Variants in ADAMTS20 observed in about 807,000 individuals in gnomAD.
ADAMTS20 encodes the protein A disintegrin and metalloproteinase with thrombospondin motifs 20.
In ADAMTS20, 225 loss-of-function variants were observed where a neutral mutation model predicts 260.1. That is an observed-to-expected ratio of 0.87 (90% CI 0.78 to 0.97). The LOEUF (loss-of-function observed/expected upper bound fraction) is 0.97, where lower values mean the gene tolerates loss of function less well. Ranked by LOEUF, ADAMTS20 falls within the 50% of genes least tolerant of loss-of-function variation. The pLI, the probability that ADAMTS20 is intolerant of heterozygous loss-of-function variation, is 0.00. For missense variants in ADAMTS20, 2,400 were observed against 2,337.7 expected (o/e 1.03, Z -0.55); for synonymous variants, 802 against 769.5 (o/e 1.04, Z -0.70).
At chr12:43,459,576 G>T (rs1254214087) in intron 11 of ADAMTS20, among the ~76,000 whole-genome samples, 1 of 152,186 alleles carries the variant, frequency 6.6e-6, no homozygotes, top group African/African-American at 2.4e-5. Context: ...TGGTAATATT[G>T]TCTGTTTTGT....
At chr12:43,408,508 G>C (rs1054441212) in intron 28 of ADAMTS20, among the ~76,000 whole-genome samples, 1 of 152,086 alleles carries the variant, frequency 6.6e-6, no homozygotes, top group Non-Finnish European at 1.5e-5. Flanking sequence ...CAGCCATAAA[G>C]CCAAGAACTA....
Position 43,376,588 on chromosome 12 carries a change from C to G in ADAMTS20, c.5061G>C (p.Leu1687Phe). Residue 1687 changes from leucine (L) to phenylalanine (F), a missense_variant, in exon 33 of 39, where the codon TTG (leucine) becomes TTC (phenylalanine). Coordinates refer to ENST00000389420, the MANE Select transcript of ADAMTS20 (RefSeq NM_025003.5). ...RQVKCITKHG[L>F]SSDLCLNHLK... Reference sequence around the variant, plus strand: ...AATGGTTTAAACATAAGTCACTGGACAAACCATGTTTGGTAATGCATTTCA... The same window carrying G: ...AATGGTTTAAACATAAGTCACTGGAGAAACCATGTTTGGTAATGCATTTCA... 6.2e-7 allele frequency: 1 copy of G among 1,613,694 alleles called. No individual in the cohort carries two copies. The highest frequency in any genetic ancestry group is 8.5e-7 in the Non-Finnish European group (1 of 1,179,734).
chr12:43,358,579 C>T (rs1297164994), intron 37 of ADAMTS20, among the ~76,000 whole-genome samples: 1 of 151,938 alleles, frequency 6.6e-6, no homozygotes, highest in South Asian at 2.1e-4. Flanking sequence ...TGGCTCACGC[C>T]TGTAATCCCA....
chr12:43,482,343 G>C (rs957661168), intron 7 of ADAMTS20, among the ~76,000 whole-genome samples: 1 of 152,224 alleles, frequency 6.6e-6, no homozygotes, highest in Admixed American at 6.5e-5. Context: ...AGACAGGAAA[G>C]GGTGTGGCGT....
intron 3 of ADAMTS20, among the ~76,000 whole-genome samples, chr12:43,522,356 G>T (rs1024265707): frequency 6.6e-5 from 10 of 152,202 alleles, no homozygotes; most frequent in Admixed American, 4.6e-4. Context: ...GACACATAGG[G>T]ATTATGGGGA....
At chr12:43,356,002 A>C (rs1271932455) in intron 38 of ADAMTS20, among the ~76,000 whole-genome samples, 1 of 152,162 alleles carries the variant, frequency 6.6e-6, no homozygotes, top group Admixed American at 6.5e-5. Context: ...TCTTGAAAAA[A>C]CTGTGAAGAA....
chr12:43,472,121 C>T (rs1418462971), intron 7 of ADAMTS20, among the ~76,000 whole-genome samples: 1 of 146,268 alleles, frequency 6.8e-6, no homozygotes, highest in Non-Finnish European at 1.5e-5. Flanking sequence ...CTAGAATAAC[C>T]AATACAGAGA....
In ADAMTS20 at chr12:43,429,664, C is replaced by G; in HGVS notation, c.3442G>C (p.Val1148Leu). 10 of 1,600,692 alleles carry G rather than the reference C, an allele frequency of 6.2e-6. No individual in the cohort carries two copies. Among genetic ancestry groups the G allele is most frequent in the Non-Finnish European group, 8.5e-6 (10 of 1,172,642 alleles). ...CATTGTGCCATCTTTTTTATGAGAA[C>G]AGTTGGTAATAAAGCGGTCTCAAGT... ...SKLETALLPTVLIKKMAQWRH... is the reference protein window; with the variant it reads ...SKLETALLPTLLIKKMAQWRH... Residue 1148 changes from valine to leucine, a missense_variant, in exon 24 of 39, where the codon GTT (valine) becomes CTT (leucine). Physicochemically the swap from Val to Leu is conservative, Grantham distance 32 (BLOSUM62 1). Transcript: ENST00000389420.
chr12:43,428,831 T>C (rs1303116084), intron 24 of ADAMTS20, 32 bp from the exon 25 acceptor site: 3 of 1,567,946 alleles, frequency 1.9e-6, no homozygotes, highest in East Asian at 2.3e-5. Context: ...ATCCGGGCAT[T>C]ATACAGTAGT....
At chr12:43,417,534 A>G (rs1941154199) in intron 28 of ADAMTS20, among the ~76,000 whole-genome samples, 1 of 152,186 alleles carries the variant, frequency 6.6e-6, no homozygotes, top group African/African-American at 2.4e-5. Flanking sequence ...GATTACAACC[A>G]GGAAGCGGTC....
At chr12:43,373,666 ATCTC>A (rs1940154074) in intron 36 of ADAMTS20, among the ~76,000 whole-genome samples, 1 of 136,508 alleles carries the variant, frequency 7.3e-6, no homozygotes, top group East Asian at 2.2e-4. Context: ...TAGAAATATC[ATCTC>A]TTTTTTTTTT....
intron 28 of ADAMTS20, among the ~76,000 whole-genome samples, chr12:43,410,485 A>G (rs1165481707): frequency 6.6e-6 from 1 of 152,228 alleles, no homozygotes; most frequent in Non-Finnish European, 1.5e-5. Flanking sequence ...GCAACATTTC[A>G]AAGTACAGTA....
At chr12:43,492,727 T>G in intron 5 of ADAMTS20, 98 bp from the exon 6 acceptor site, 1 of 1,381,930 alleles carries the variant, frequency 7.2e-7, no homozygotes, top group Non-Finnish European at 1.0e-6. Context: ...AATAGCATTC[T>G]CACAGGTGAA....
intron 31 of ADAMTS20, among the ~76,000 whole-genome samples, chr12:43,382,869 G>C (rs1940384077): frequency 6.6e-6 from 1 of 151,690 alleles, no homozygotes; most frequent in African/African-American, 2.4e-5. Flanking sequence ...AGAAAGAAAA[G>C]AAAAGCAAAT....
At chr12:43,398,189 T>C (rs1044024050) in intron 29 of ADAMTS20, among the ~76,000 whole-genome samples, 1 of 152,178 alleles carries the variant, frequency 6.6e-6, no homozygotes, top group Admixed American at 6.5e-5. Context: ...TCTAGACCCA[T>C]TGAAATTAGT....
chr12:43,459,956 T>C (rs1271140224), intron 11 of ADAMTS20, among the ~76,000 whole-genome samples: 1 of 152,156 alleles, frequency 6.6e-6, no homozygotes, highest in Non-Finnish European at 1.5e-5. Context: ...TCACCATGGC[T>C]TCACACAAAT....
At chr12:43,453,797 A>C in intron 12 of ADAMTS20, 110 bp downstream of exon 12, 1 of 1,245,154 alleles carries the variant, frequency 8.0e-7, no homozygotes, top group African/African-American at 1.5e-5. Flanking sequence ...AATTTTCTGA[A>C]TCTCAGAAAC....
chr12:43,480,264 A>T (rs2137411200), intron 7 of ADAMTS20, among the ~76,000 whole-genome samples: 2 of 152,282 alleles, frequency 1.3e-5, no homozygotes, highest in Middle Eastern at 3.4e-3. Flanking sequence ...ATTACAGGCC[A>T]TCTTCACTCC....
chr12:43,415,476 A>AT (rs1303630756), intron 28 of ADAMTS20, among the ~76,000 whole-genome samples: 1 of 152,170 alleles, frequency 6.6e-6, no homozygotes, highest in Non-Finnish European at 1.5e-5. Context: ...CTATATTTGG[A>AT]TTTCTAACTC....
Sources: allele counts gnomAD v4.1 joint callset (sites outside exome capture counted in the v4.1 genomes callset), GRCh38; gene constraint gnomAD v4.1.1; transcripts MANE v1.5; gene names NCBI Gene and HGNC (gene_info 2026-07-23, HGNC 2026-07-21).